ACER3: variants seen among roughly 807,000 people sequenced by gnomAD.
ACER3 encodes the protein alkCDase 3.
Under a neutral mutation model 48.9 loss-of-function variants are expected in ACER3, and 16 were observed. The observed-to-expected ratio is 0.33, with a 90% CI of 0.22 to 0.50. ACER3 has a LOEUF of 0.50. Among genes scored for constraint, ACER3 ranks in the 20% least tolerant of loss-of-function variants. ACER3 has a pLI of 0.98. For missense variants in ACER3, 227 were observed against 326.0 expected, an observed-to-expected ratio of 0.70 and a Z score of 2.34; for synonymous variants, 109 against 107.8, an observed-to-expected ratio of 1.01 and a Z score of -0.07.
chr11:77,005,043 T>C (rs1303163043), intron 7 of ACER3, among the ~76,000 whole-genome samples: 6 of 147,446 alleles, frequency 4.1e-5, no homozygotes, highest in Non-Finnish European at 6.0e-5. Flanking sequence ...TTTCTTTTTT[T>C]TTTTTTTTTT....
At chr11:77,007,163 G>GCTT (rs1949169050) in intron 7 of ACER3, among the ~76,000 whole-genome samples, 2 of 151,496 alleles carry the variant, frequency 1.3e-5, no homozygotes, top group South Asian at 4.2e-4. Flanking sequence ...GGTTGGCTCA[G>GCTT]CTTCTTGAAT....
At chr11:76,971,212 A>C (rs1948289209) in intron 3 of ACER3, among the ~76,000 whole-genome samples, 1 of 152,076 alleles carries the variant, frequency 6.6e-6, no homozygotes, top group Non-Finnish European at 1.5e-5. Context: ...GGAAGTTTAA[A>C]TTTTTCCCCA....
intron 1 of ACER3, among the ~76,000 whole-genome samples, chr11:76,919,647 T>A (rs1220824441): frequency 6.6e-6 from 1 of 152,192 alleles, no homozygotes; most frequent in Non-Finnish European, 1.5e-5. Context: ...AGAACAGAAA[T>A]TTTTTAATTG....
chr11:77,007,438 G>C (rs1949178769), intron 7 of ACER3, among the ~76,000 whole-genome samples: 2 of 152,172 alleles, frequency 1.3e-5, no homozygotes, highest in South Asian at 4.1e-4. Context: ...CAAGCCAGGG[G>C]GAGAAGAGGC....
At chr11:76,917,911 G>A (rs1448443327) in intron 1 of ACER3, among the ~76,000 whole-genome samples, 1 of 151,398 alleles carries the variant, frequency 6.6e-6, no homozygotes, top group Non-Finnish European at 1.5e-5. Flanking sequence ...GACTCTTGTA[G>A]TAATAAAAAT....
chr11:76,986,858 G>C (rs1369353096), intron 5 of ACER3, among the ~76,000 whole-genome samples: 3 of 152,074 alleles, frequency 2.0e-5, no homozygotes, highest in Admixed American at 2.0e-4. Flanking sequence ...TTGAGGTCAG[G>C]AGTTCATGAC....
intron 6 of ACER3, among the ~76,000 whole-genome samples, chr11:76,998,227 A>G (rs1948955917): frequency 6.6e-6 from 1 of 152,268 alleles, no homozygotes; most frequent in Non-Finnish European, 1.5e-5. Context: ...GGAAGATGTG[A>G]GAACATATAG....
chr11:76,864,734 G>A (rs1372845857), intron 1 of ACER3, among the ~76,000 whole-genome samples: 2 of 150,360 alleles, frequency 1.3e-5, no homozygotes, highest in Admixed American at 6.7e-5. Context: ...CAAGTAGCTG[G>A]GATTACAGGC....
chr11:76,873,630 T>C (rs1945298512), intron 1 of ACER3, among the ~76,000 whole-genome samples: 1 of 152,218 alleles, frequency 6.6e-6, no homozygotes, highest in Admixed American at 6.5e-5. Context: ...AGCTAGAGCT[T>C]AGTAGGTACT....
chr11:76,949,424 A>G (rs1188867390), intron 2 of ACER3, among the ~76,000 whole-genome samples: 1 of 152,256 alleles, frequency 6.6e-6, no homozygotes, highest in Non-Finnish European at 1.5e-5. Context: ...GGCAAGTCAA[A>G]TGCAGCTCTT....
chr11:76,920,961 G>A (rs1946673457), intron 1 of ACER3, among the ~76,000 whole-genome samples: 1 of 152,006 alleles, frequency 6.6e-6, no homozygotes, highest in Admixed American at 6.6e-5. Flanking sequence ...TTTACCCAAA[G>A]TTTTAAGTCC....
intron 6 of ACER3, among the ~76,000 whole-genome samples, chr11:76,991,537 C>T (rs950195203): frequency 3.3e-5 from 5 of 152,076 alleles, no homozygotes; most frequent in African/African-American, 4.8e-5. Flanking sequence ...TCCTCACGGC[C>T]GGGCGTGGTG....
intron 1 of ACER3, among the ~76,000 whole-genome samples, chr11:76,922,180 G>A (rs533377358): frequency 2.0e-5 from 3 of 152,168 alleles, no homozygotes; most frequent in East Asian, 1.9e-4. Context: ...TATATTTGTG[G>A]TTTGCAATTC....
At chr11:76,922,684 A>G (rs191860954) in intron 1 of ACER3, among the ~76,000 whole-genome samples, 4 of 152,318 alleles carry the variant, frequency 2.6e-5, no homozygotes, top group Admixed American at 2.0e-4. Flanking sequence ...AACATTAGCT[A>G]TAAGGACAGA....
intron 1 of ACER3, among the ~76,000 whole-genome samples, chr11:76,896,235 C>G (rs946127260): frequency 1.3e-5 from 2 of 152,192 alleles, no homozygotes; most frequent in African/African-American, 4.8e-5. Flanking sequence ...CTTGAAACAT[C>G]TTTACACAGG....
At chr11:77,001,382 A>G (rs1949028693) in intron 7 of ACER3, among the ~76,000 whole-genome samples, 1 of 151,942 alleles carries the variant, frequency 6.6e-6, no homozygotes, top group South Asian at 2.1e-4. Flanking sequence ...CAGCCTCCCC[A>G]GTAGCTGGGA....
chr11:76,881,114 G>A (rs758926298), intron 1 of ACER3, among the ~76,000 whole-genome samples: 9 of 151,946 alleles, frequency 5.9e-5, no homozygotes, highest in Non-Finnish European at 1.0e-4. Flanking sequence ...AATTAGCCCC[G>A]CATGGTGGTG....
chr11:77,019,641 A>G, intron 9 of ACER3, 90 bp from the exon 10 acceptor site: 3 of 1,272,950 alleles, frequency 2.4e-6, no homozygotes, highest in Non-Finnish European at 3.4e-6. Flanking sequence ...TCGTACATGC[A>G]GAAGCACTAT....
intron 2 of ACER3, among the ~76,000 whole-genome samples, chr11:76,941,351 T>C (rs1947339517): frequency 6.6e-6 from 1 of 152,206 alleles, no homozygotes; most frequent in Non-Finnish European, 1.5e-5. Flanking sequence ...AATTTAGTCA[T>C]TTTAAAATTT....
Sources: gnomAD v4.1 joint callset for allele counts (sites outside exome capture counted in the v4.1 genomes callset) on GRCh38, gnomAD v4.1.1 for gene constraint, MANE v1.5 for transcripts, NCBI Gene and HGNC (gene_info 2026-07-23, HGNC 2026-07-21) for gene names.